TDRP: variants seen among roughly 807,000 people sequenced by gnomAD.
TDRP encodes the protein testis development related protein.
In TDRP, 12 loss-of-function variants were observed where a neutral mutation model predicts 10.5. The observed-to-expected ratio is 1.15, with a 90% CI of 0.73 to 1.86. The LOEUF is 1.86. Ranked by LOEUF, TDRP falls within the 40% of genes most tolerant of loss-of-function variation. The pLI is 0.00. For missense variants in TDRP, 353 were observed against 229.2 expected (o/e 1.54, Z -3.49); for synonymous variants, 139 against 95.4 (o/e 1.46, Z -2.67).
intron 1 of TDRP, among the ~76,000 whole-genome samples, chr8:521,959 C>G (rs570683802): frequency 1.3e-5 from 2 of 151,730 alleles, no homozygotes; most frequent in East Asian, 4.0e-4. Flanking sequence ...TACCTTTTTT[C>G]TTGATGCTAT....
At chr8:497,739 C>G (rs1801174825) in intron 1 of TDRP, among the ~76,000 whole-genome samples, 1 of 152,178 alleles carries the variant, frequency 6.6e-6, no homozygotes, top group Non-Finnish European at 1.5e-5. Flanking sequence ...GGCAGCCCCT[C>G]CCATCACAGG....
intron 1 of TDRP, among the ~76,000 whole-genome samples, chr8:533,928 G>C (rs565539068): frequency 4.1e-4 from 63 of 152,112 alleles, no homozygotes; most frequent in African/African-American, 1.4e-3. Context: ...CAAAACTCAA[G>C]CATGACAAAA....
intron 1 of TDRP, among the ~76,000 whole-genome samples, chr8:525,084 T>C (rs1361609565): frequency 1.3e-5 from 2 of 152,082 alleles, no homozygotes; most frequent in Non-Finnish European, 2.9e-5. Context: ...AAGAAACAGA[T>C]AGCATACAAT....
intron 1 of TDRP, among the ~76,000 whole-genome samples, chr8:502,088 G>C (rs1398360793): frequency 6.6e-6 from 1 of 152,196 alleles, no homozygotes; most frequent in African/African-American, 2.4e-5. Flanking sequence ...CCACCTTCCT[G>C]AATACTGTGA....
chr8:526,394 TAC>T (rs1451006280), intron 1 of TDRP, among the ~76,000 whole-genome samples: 1 of 152,190 alleles, frequency 6.6e-6, no homozygotes, highest in Non-Finnish European at 1.5e-5. Flanking sequence ...GTTCCTTCTA[TAC>T]AGTTTTTTGA....
At chr8:530,191 G>A (rs1349168380) in intron 1 of TDRP, among the ~76,000 whole-genome samples, 1 of 145,296 alleles carries the variant, frequency 6.9e-6, no homozygotes, top group African/African-American at 2.5e-5. Flanking sequence ...AATTTGTATG[G>A]TTCTTTTTTT....
At chr8:535,108 T>A (rs549714177) in intron 1 of TDRP, among the ~76,000 whole-genome samples, 1 of 152,194 alleles carries the variant, frequency 6.6e-6, no homozygotes, top group Non-Finnish European at 1.5e-5. Context: ...TGTACTTCCA[T>A]CTGAAAGATT....
In TDRP at chr8:491,841, T is replaced by C. The variant is rs1800985211; in HGVS notation, c.*558A>G. 1 of 1,229,078 alleles carries C rather than the reference T, an allele frequency of 8.1e-7. No individual in the cohort carries two copies. The highest frequency in any genetic ancestry group is 1.0e-6 in the Non-Finnish European group (1 of 985,376). 76.1% of individuals were successfully genotyped at this position (1,229,078 alleles called of 1,614,324 possible). On this transcript the variant is annotated 3_prime_UTR_variant, in exon 3 of 3. Coordinates refer to ENST00000324079, the MANE Select transcript of TDRP (RefSeq NM_001384899.1). ...TGAACATGCATTTTAAGATACATTT[T>C]ACTCCCAAATATAAGCTTTGCTTTT...
At chr8:543,537 C>G (rs1038959162) in intron 1 of TDRP, among the ~76,000 whole-genome samples, 1 of 150,488 alleles carries the variant, frequency 6.6e-6, no homozygotes, top group Non-Finnish European at 1.5e-5. Flanking sequence ...TTTAGAGTAA[C>G]TATAACATTC....
chr8:541,482 G>A (rs1248172567), intron 1 of TDRP, among the ~76,000 whole-genome samples: 2 of 152,148 alleles, frequency 1.3e-5, no homozygotes, highest in Admixed American at 1.3e-4. Flanking sequence ...GCCACAGATT[G>A]GGAGAAAATC....
chr8:516,495 G>A (rs548071901), intron 1 of TDRP, among the ~76,000 whole-genome samples: 5 of 152,160 alleles, frequency 3.3e-5, no homozygotes, highest in Non-Finnish European at 7.4e-5. Flanking sequence ...TGGTAAATAA[G>A]CATCTGAAAA....
chr8:543,377 A>G (rs1165169722), intron 1 of TDRP, among the ~76,000 whole-genome samples: 2 of 152,156 alleles, frequency 1.3e-5, no homozygotes, highest in African/African-American at 2.4e-5. Flanking sequence ...AAAATGGGAG[A>G]ACATAGGAAG....
At chr8:509,685 C>T (rs1296401554) in intron 1 of TDRP, among the ~76,000 whole-genome samples, 4 of 152,136 alleles carry the variant, frequency 2.6e-5, no homozygotes, top group Non-Finnish European at 4.4e-5. Flanking sequence ...CTCTGACATG[C>T]CCTGGAGACA....
intron 1 of TDRP, among the ~76,000 whole-genome samples, chr8:500,935 G>GGT (rs896029732): frequency 3.9e-5 from 6 of 152,178 alleles, no homozygotes; most frequent in African/African-American, 1.4e-4. Context: ...GGCCGGGCGC[G>GGT]GTGTCTCACA....
intron 1 of TDRP, among the ~76,000 whole-genome samples, chr8:528,759 C>G (rs1164415555): frequency 1.3e-5 from 2 of 151,912 alleles, no homozygotes; most frequent in Non-Finnish European, 2.9e-5. Context: ...TCAGGGTTCT[C>G]TAAAGGAATA....
intron 1 of TDRP, among the ~76,000 whole-genome samples, chr8:534,297 T>G (rs991739276): frequency 6.6e-6 from 1 of 152,230 alleles, no homozygotes; most frequent in Non-Finnish European, 1.5e-5. Flanking sequence ...CACAGTCAAT[T>G]AGCAAATACT....
At chr8:520,899 TTTC>T (rs1473027289) in intron 1 of TDRP, among the ~76,000 whole-genome samples, 2 of 152,180 alleles carry the variant, frequency 1.3e-5, no homozygotes, top group Admixed American at 6.5e-5. Flanking sequence ...GCATTTTTAC[TTTC>T]TTGTTTCCTT....
intron 1 of TDRP, among the ~76,000 whole-genome samples, chr8:523,731 G>T (rs902976848): frequency 9.9e-5 from 15 of 152,150 alleles, no homozygotes; most frequent in Non-Finnish European, 1.8e-4. Context: ...GGGGAGGGAA[G>T]AGTGGGAAGG....
At chr8:498,992 T>C (rs1300116220) in intron 1 of TDRP, among the ~76,000 whole-genome samples, 2 of 152,048 alleles carry the variant, frequency 1.3e-5, no homozygotes, top group East Asian at 3.9e-4. Context: ...GAACTGTGAG[T>C]CAATTAAACC....
Sources: gnomAD v4.1 joint callset for allele counts (sites outside exome capture counted in the v4.1 genomes callset) on GRCh38, gnomAD v4.1.1 for gene constraint, MANE v1.5 for transcripts, NCBI Gene and HGNC (gene_info 2026-07-23, HGNC 2026-07-21) for gene names.